C4orf50: variants seen among roughly 807,000 people sequenced by gnomAD.
The protein encoded by C4orf50 is uncharacterized protein C4orf50.
In C4orf50, 80 loss-of-function variants were observed where a neutral mutation model predicts 77.2. The ratio of observed to expected loss-of-function variants is 1.04; its 90% CI spans 0.87 to 1.25. The LOEUF (loss-of-function observed/expected upper bound fraction) is 1.25. Ranked by LOEUF, C4orf50 falls within the 50% of genes most tolerant of loss-of-function variation. C4orf50 has a pLI of 0.00. For missense variants in C4orf50, 1,257 were observed against 1,152.9 expected, an observed-to-expected ratio of 1.09 and a Z score of -1.31; for synonymous variants, 532 against 465.3, an observed-to-expected ratio of 1.14 and a Z score of -1.84.
At chr4:5,924,582 C>T (rs1488165114) in intron 7 of C4orf50, among the ~76,000 whole-genome samples, 3 of 152,176 alleles carry the variant, frequency 2.0e-5, no homozygotes, top group African/African-American at 4.8e-5. Context: ...CAATCCCTGG[C>T]TATAGGGCCC....
chr4:5,929,500 G>A (rs146557687), intron 7 of C4orf50, among the ~76,000 whole-genome samples: 1 of 152,280 alleles, frequency 6.6e-6, no homozygotes, highest in African/African-American at 2.4e-5. Context: ...ATAAACCCAA[G>A]AGAACTGACT....
intron 28 of C4orf50, among the ~76,000 whole-genome samples, chr4:5,982,391 T>A (rs1720638675): frequency 6.6e-6 from 1 of 152,174 alleles, no homozygotes; most frequent in Non-Finnish European, 1.5e-5. Flanking sequence ...GCAGACATCA[T>A]GAGCACATGG....
chr4:6,004,237 GATGAT>G (rs1722085492), intron 25 of C4orf50, among the ~76,000 whole-genome samples: 1 of 52,700 alleles, frequency 1.9e-5, no homozygotes. Context: ...TGATGGTGAT[GATGAT>G]GGTGATGATG....
chr4:5,951,502 C>A (rs1366197095), intron 7 of C4orf50, among the ~76,000 whole-genome samples: 1 of 152,110 alleles, frequency 6.6e-6, no homozygotes, highest in East Asian at 1.9e-4. Context: ...ACCCTGCAAA[C>A]CAACACTCAG....
At chr4:5,914,860 C>T (rs1577881057) in intron 7 of C4orf50, among the ~76,000 whole-genome samples, 1 of 152,138 alleles carries the variant, frequency 6.6e-6, no homozygotes, top group South Asian at 2.1e-4. Context: ...AGATAAAAGC[C>T]ATTTCCATCA....
Position 5,919,080 on chromosome 4 carries a change from A to G in C4orf50, c.*2475-20892T>C, listed in dbSNP as rs1249992834. On this transcript the variant is annotated intron_variant, in intron 7 of 7. Transcript: ENST00000324058. This position sits in a 1 kb window ranked among gnomAD's most constrained non-coding sequence, Gnocchi z 6.5. ...CTTGCTGCTATGGCTCCTGGTTGGG[A>G]CAGACGTGGCTCCCTCTTTCCCAGG... 3.3e-5 allele frequency among the ~76,000 whole-genome samples: 5 copies of G among 152,114 alleles called. No individual in the cohort carries two copies. Among genetic ancestry groups the G allele is most frequent in the Non-Finnish European group, 4.4e-5 (3 of 68,020 alleles).
chr4:5,952,306 C>G (rs1468908768), downstream of C4orf50, among the ~76,000 whole-genome samples: 1 of 152,194 alleles, frequency 6.6e-6, no homozygotes, highest in Non-Finnish European at 1.5e-5. The surrounding 1 kb of genome is among the most constrained non-coding windows in gnomAD (Gnocchi z 4.4). Flanking sequence ...GAGGAGAGAA[C>G]AGAAGTTAAG....
intron 7 of C4orf50, among the ~76,000 whole-genome samples, chr4:5,929,668 G>A (rs1717675949): frequency 6.6e-6 from 1 of 152,244 alleles, no homozygotes; most frequent in Non-Finnish European, 1.5e-5. Flanking sequence ...GATGCCCTGA[G>A]TAAATGCAGT....
rs777779343 is a variant in C4orf50 at position 5,989,007 on chromosome 4, T to G, written c.3039A>C (p.Lys1013Asn). 6 of 1,536,060 alleles carry G rather than the reference T, an allele frequency of 3.9e-6. No individual in the cohort carries two copies. In the South Asian group the frequency reaches 7.1e-5, roughly 18 times the overall value. ...CATTTTCCTCTTCAAGCTCCAAAAT[T>G]TTGCAGTAACTCTTCCCATTGCAGT... Residue 1013 changes from lysine to asparagine, a missense_variant, in exon 28 of 34, where the codon AAA becomes AAC. Physicochemically the swap from Lys to Asn is moderately conservative, Grantham distance 94. Coordinates refer to ENST00000531445, the Ensembl canonical transcript of C4orf50.
chr4:6,012,673 C>A (rs1030875269), intron 23 of C4orf50, among the ~76,000 whole-genome samples: 7 of 152,158 alleles, frequency 4.6e-5, no homozygotes, highest in African/African-American at 1.4e-4. Flanking sequence ...CACAAGCAGG[C>A]ATAGACATAG....
chr4:5,984,643 AAGAG>A (rs1367609623), intron 28 of C4orf50, among the ~76,000 whole-genome samples: 1 of 152,216 alleles, frequency 6.6e-6, no homozygotes, highest in Non-Finnish European at 1.5e-5. Context: ...AGTGAACTAA[AAGAG>A]AGGTCAATAG....
intron 25 of C4orf50, among the ~76,000 whole-genome samples, chr4:6,004,247 ATGATGG>A (rs370021210): frequency 3.8e-4 from 20 of 53,324 alleles, no homozygotes; most frequent in Non-Finnish European, 3.3e-4. Flanking sequence ...GATGATGGTG[ATGATGG>A]TGATGGTGAT....
At chr4:5,994,304 G>C (rs1311184866) in intron 26 of C4orf50, 43 bp downstream of exon 4, 2 of 399,008 alleles carry the variant, frequency 5.0e-6, no homozygotes, top group Admixed American at 4.4e-5. Context: ...TTCAGTGGGT[G>C]CTGCCCGCGA....
chr4:5,976,939 G>A (rs1247386246), intron 29 of C4orf50, among the ~76,000 whole-genome samples: 2 of 152,248 alleles, frequency 1.3e-5, no homozygotes, highest in East Asian at 1.9e-4. Context: ...AAGTGGCCCT[G>A]AGGCCTTTGT....
At chr4:5,934,305 G>A (rs4422365) in intron 7 of C4orf50, among the ~76,000 whole-genome samples, 95,699 of 151,988 alleles carry the variant, frequency 0.63, 31,321 homozygotes, top group Non-Finnish European at 0.71. Context: ...CGCTGTTGTT[G>A]TTCTCTTCCT....
intron 7 of C4orf50, among the ~76,000 whole-genome samples, chr4:5,922,223 C>T (rs554237629): frequency 1.3e-5 from 2 of 152,294 alleles, no homozygotes; most frequent in East Asian, 1.9e-4. Context: ...GGGCCCACTG[C>T]GATGCACGTG....
chr4:5,909,339 C>T lies in C4orf50; in HGVS notation c.*2475-11151G>A, dbSNP rs375077224. Reference sequence around the variant, plus strand: ...TGTTGACCGCAACCAGATATTTTGCCCATTTTAAAATCAGATTGTTTGTTT... The same window carrying T: ...TGTTGACCGCAACCAGATATTTTGCTCATTTTAAAATCAGATTGTTTGTTT... On this transcript the variant is annotated intron_variant, in intron 7 of 7. Coordinates refer to the C4orf50 transcript ENST00000324058. Among the ~76,000 whole-genome samples the T allele has an allele frequency of 2.0e-4, 31 of 152,188 alleles. No homozygotes were observed. The East Asian group carries it at 5.6e-3, about 28-fold the overall frequency.
intron 7 of C4orf50, chr4:5,904,328 C>G (rs1716456828): frequency 6.6e-6 from 1 of 152,330 alleles, no homozygotes; most frequent in Non-Finnish European, 1.5e-5. Context: ...TGCTCTTTAA[C>G]TGCAGAGCAA....
At position 6,008,316 on chromosome 4, in the gene C4orf50, C is replaced by T. The variant is rs1189350649; in HGVS notation, c.643G>A (p.Ala215Thr). 5.1e-6 allele frequency: 2 copies of T among 388,530 alleles called. No homozygotes were observed. The highest frequency in any genetic ancestry group is 9.1e-6 in the Non-Finnish European group (2 of 219,768). The allele number at this position is 388,530 out of a possible 1,614,324, so 24.1% of individuals were successfully genotyped here. The change falls in exon 25 of 34, where the codon GCC becomes ACC. Residue 215 changes from alanine to threonine, a missense_variant. Transcript: ENST00000531445. The surrounding 1 kb of genome is among the most constrained non-coding windows in gnomAD (Gnocchi z 6.0). ...CACTGGGCCAGCAGGAGGCCCGCGGCGCGGCAGAGGCGCCGCACGTTGCGC... is the reference window on the plus strand; with the variant it reads ...CACTGGGCCAGCAGGAGGCCCGCGGTGCGGCAGAGGCGCCGCACGTTGCGC...
Sources: gnomAD v4.1 joint callset for allele counts (sites outside exome capture counted in the v4.1 genomes callset) on GRCh38, gnomAD v4.1.1 for gene constraint, Gnocchi (gnomAD v3.1) non-coding constraint, MANE v1.5 for transcripts, NCBI Gene and HGNC (gene_info 2026-07-23, HGNC 2026-07-21) for gene names.